Variants in GRM1 observed in about 807,000 individuals in gnomAD.
GRM1 encodes the protein glutamate metabotropic receptor 1.
In GRM1, 33 loss-of-function variants were observed where a neutral mutation model predicts 90.9. The ratio of observed to expected loss-of-function variants is 0.36; its 90% CI spans 0.28 to 0.49. GRM1 has a LOEUF of 0.49. Ranked by LOEUF, GRM1 falls within the 20% of genes least tolerant of loss-of-function variation. The probability of loss-of-function intolerance (pLI) is 0.99; values close to 1 mark genes in which losing one functional copy is unlikely to be tolerated. For missense variants in GRM1, 1,190 were observed against 1,534.3 expected (o/e 0.78, Z 3.75); for synonymous variants, 700 against 613.2 (o/e 1.14, Z -2.09).
chr6:146,151,158 C>T (rs1777320811), intron 1 of GRM1, among the ~76,000 whole-genome samples: 1 of 152,176 alleles, frequency 6.6e-6, no homozygotes, highest in South Asian at 2.1e-4. Flanking sequence ...GATTCATCAT[C>T]ACAGGAGAAT....
At chr6:146,054,268 T>C (rs1368941358) in intron 1 of GRM1, among the ~76,000 whole-genome samples, 1 of 152,110 alleles carries the variant, frequency 6.6e-6, no homozygotes, top group Admixed American at 6.5e-5. Context: ...TGGAATTATC[T>C]ACCAGTACTC....
At chr6:146,117,839 A>G (rs1193751497) in intron 1 of GRM1, among the ~76,000 whole-genome samples, 1 of 152,086 alleles carries the variant, frequency 6.6e-6, no homozygotes, top group East Asian at 1.9e-4. Flanking sequence ...GTTAAAAACC[A>G]AGAATTTAAG....
At chr6:146,287,350 C>T (rs1193277792) in intron 2 of GRM1, among the ~76,000 whole-genome samples, 3 of 152,066 alleles carry the variant, frequency 2.0e-5, no homozygotes, top group East Asian at 3.9e-4. Flanking sequence ...TTTCCTTTTT[C>T]GTATTGCATT....
rs1276491116 is a variant in GRM1, at chr6:146,352,442, T to C, written c.1379T>C (p.Ile460Thr). The C allele has an allele frequency of 6.2e-7, 1 of 1,613,574 alleles. No homozygotes were observed. Among genetic ancestry groups the C allele is most frequent in the Non-Finnish European group, 8.5e-7 (1 of 1,179,484 alleles). ...LLDFLIKSSFIGVSGEEVWFD... is the reference protein window; with the variant it reads ...LLDFLIKSSFTGVSGEEVWFD... ...GACTTCCTCATCAAGTCCTCATTCATTGGAGTATCTGGAGAGGAGGTGTGG... is the reference window on the plus strand; with the variant it reads ...GACTTCCTCATCAAGTCCTCATTCACTGGAGTATCTGGAGAGGAGGTGTGG... The change falls in exon 4 of 8, where the codon ATT becomes ACT. Residue 460 changes from isoleucine (I) to threonine (T), a missense_variant. By Grantham distance (89) the Ile-to-Thr change is moderately conservative (BLOSUM62 -1). Around this residue, in one of 10 missense-constraint regions of GRM1, gnomAD observed 414 missense variants for 598.4 expected, o/e 0.69. Coordinates refer to ENST00000282753, the MANE Select transcript of GRM1 (RefSeq NM_001278064.2).
chr6:146,214,555 G>A (rs1192922738), intron 2 of GRM1, among the ~76,000 whole-genome samples: 1 of 152,098 alleles, frequency 6.6e-6, no homozygotes, highest in African/African-American at 2.4e-5. Flanking sequence ...ACCCAAAAAG[G>A]ATATGATAAG....
chr6:146,328,545 A>G (rs1784476234), intron 3 of GRM1, among the ~76,000 whole-genome samples: 1 of 152,220 alleles, frequency 6.6e-6, no homozygotes, highest in Non-Finnish European at 1.5e-5. Flanking sequence ...TCCTAAAAAC[A>G]TTAAATAGTA....
At chr6:146,379,083 A>G (rs925943314) in intron 5 of GRM1, among the ~76,000 whole-genome samples, 1 of 152,126 alleles carries the variant, frequency 6.6e-6, no homozygotes, top group African/African-American at 2.4e-5. Flanking sequence ...AGACTCATAC[A>G]ATACCCTTCT....
intron 2 of GRM1, among the ~76,000 whole-genome samples, chr6:146,255,010 G>A (rs1047340877): frequency 1.3e-5 from 2 of 152,000 alleles, no homozygotes; most frequent in African/African-American, 4.8e-5. Flanking sequence ...AAATAAAAAC[G>A]GTATGAATAA....
intron 2 of GRM1, among the ~76,000 whole-genome samples, chr6:146,258,574 C>T (rs1304196930): frequency 2.0e-5 from 3 of 151,960 alleles, no homozygotes; most frequent in Non-Finnish European, 2.9e-5. Flanking sequence ...GGCTGTAGTA[C>T]AGAGGCATGA....
intron 3 of GRM1, among the ~76,000 whole-genome samples, chr6:146,331,467 A>G (rs1784586211): frequency 6.6e-6 from 1 of 152,214 alleles, no homozygotes; most frequent in Admixed American, 6.5e-5. Flanking sequence ...AGACCATTTC[A>G]CTATATATAT....
chr6:146,417,687 C>T (rs547102952), intron 7 of GRM1, among the ~76,000 whole-genome samples: 2 of 152,244 alleles, frequency 1.3e-5, no homozygotes, highest in South Asian at 4.2e-4. Context: ...TCAGAATTCT[C>T]ACAAAATTTA....
intron 5 of GRM1, among the ~76,000 whole-genome samples, chr6:146,373,459 C>T (rs543626076): frequency 2.1e-4 from 32 of 152,134 alleles, no homozygotes; most frequent in African/African-American, 7.5e-4. Flanking sequence ...CATGAGAACT[C>T]TATCGTGAGA....
intron 1 of GRM1, among the ~76,000 whole-genome samples, chr6:146,121,931 G>A (rs1776003688): frequency 6.6e-6 from 1 of 152,172 alleles, no homozygotes; most frequent in Non-Finnish European, 1.5e-5. Flanking sequence ...GAAGAGTTCT[G>A]TAGATGTCTA....
chr6:146,127,562 C>G (rs1427014325), intron 1 of GRM1, among the ~76,000 whole-genome samples: 1 of 152,130 alleles, frequency 6.6e-6, no homozygotes, highest in Non-Finnish European at 1.5e-5. Context: ...TGCAATAGAC[C>G]TACAATGTAA....
intron 5 of GRM1, among the ~76,000 whole-genome samples, chr6:146,382,669 A>T (rs1776359157): frequency 6.6e-6 from 1 of 152,160 alleles, no homozygotes; most frequent in Admixed American, 6.6e-5. Flanking sequence ...CAGAAACAAA[A>T]ACTAGGGGCC....
chr6:146,417,951 T>C (rs1483113905), intron 7 of GRM1, among the ~76,000 whole-genome samples: 3 of 152,164 alleles, frequency 2.0e-5, no homozygotes, highest in African/African-American at 7.2e-5. Context: ...TGTAACTTGA[T>C]CTACCTTTTT....
intron 1 of GRM1, among the ~76,000 whole-genome samples, chr6:146,039,494 T>C (rs530790639): frequency 1.1e-4 from 16 of 152,014 alleles, no homozygotes; most frequent in Middle Eastern, 6.8e-3. Flanking sequence ...AAAATTAGAC[T>C]CTTGGAAACA....
At chr6:146,043,782 G>GATATATACAT (rs1554260502) in intron 1 of GRM1, among the ~76,000 whole-genome samples, 69 of 89,986 alleles carry the variant, frequency 7.7e-4, no homozygotes, top group African/African-American at 2.3e-3. Context: ...AGAGTCAGGT[G>GATATATACAT]ATATATATAT....
At chr6:146,143,155 C>G (rs1175804607) in intron 1 of GRM1, among the ~76,000 whole-genome samples, 1 of 152,170 alleles carries the variant, frequency 6.6e-6, no homozygotes, top group African/African-American at 2.4e-5. Context: ...GCAATGGGTT[C>G]TCCAAGGGCT....
Sources: gnomAD v4.1 joint callset for allele counts (sites outside exome capture counted in the v4.1 genomes callset) on GRCh38, gnomAD v4.1.1 for gene constraint, gnomAD v4.1.1 regional missense constraint, MANE v1.5 for transcripts, NCBI Gene and HGNC (gene_info 2026-07-23, HGNC 2026-07-21) for gene names.